KIF26B: variants seen among roughly 807,000 people sequenced by gnomAD.
KIF26B encodes kinesin-like protein KIF26B.
A neutral mutation model predicts 151.2 loss-of-function variants in KIF26B; 63 were observed. The ratio of observed to expected loss-of-function variants is 0.42; its 90% CI spans 0.34 to 0.51. The LOEUF (loss-of-function observed/expected upper bound fraction) is 0.51. Among genes scored for constraint, KIF26B ranks in the 20% least tolerant of loss-of-function variants. The pLI, the probability that KIF26B is intolerant of heterozygous loss-of-function variation, is 0.07. For synonymous variants in KIF26B, 1,357 were observed against 1,262.1 expected (o/e 1.08, Z -1.59); for missense variants, 2,813 against 2,913.6 (o/e 0.97, Z 0.79).
chr1:245,513,915 A>C (rs74667486), intron 4 of KIF26B, among the ~76,000 whole-genome samples: 12 of 152,290 alleles, frequency 7.9e-5, no homozygotes, highest in African/African-American at 2.2e-4. Flanking sequence ...CACTGCAGAG[A>C]ACTCTCAAGC....
At chr1:245,681,347 A>C (rs541571561) in intron 10 of KIF26B, among the ~76,000 whole-genome samples, 13 of 152,024 alleles carry the variant, frequency 8.6e-5, no homozygotes, top group African/African-American at 1.7e-4. Flanking sequence ...GTAGCTGGGA[A>C]TACAGGTGCC....
At chr1:245,281,706 C>A (rs1671056938) in intron 2 of KIF26B, among the ~76,000 whole-genome samples, 1 of 150,032 alleles carries the variant, frequency 6.7e-6, no homozygotes, top group Non-Finnish European at 1.5e-5. Flanking sequence ...ATGGTAATGC[C>A]TAGGTTTTCT....
chr1:245,471,255 C>T (rs1224472485), intron 4 of KIF26B, among the ~76,000 whole-genome samples: 4 of 152,070 alleles, frequency 2.6e-5, no homozygotes, highest in South Asian at 2.1e-4. Flanking sequence ...CTTGGCCTCC[C>T]GAGTAGCTGG....
At chr1:245,308,318 G>A (rs569434774) in intron 2 of KIF26B, among the ~76,000 whole-genome samples, 1 of 152,260 alleles carries the variant, frequency 6.6e-6, no homozygotes, top group South Asian at 2.1e-4. Context: ...GACAAATATG[G>A]TGAAATTTAA....
intron 4 of KIF26B, among the ~76,000 whole-genome samples, chr1:245,518,033 G>A (rs556365474): frequency 3.3e-5 from 5 of 152,050 alleles, no homozygotes; most frequent in East Asian, 1.9e-4. Context: ...CACAACAATC[G>A]GCTAATTTTT....
chr1:245,694,043 C>T (rs1179003018), intron 12 of KIF26B, among the ~76,000 whole-genome samples: 4 of 152,218 alleles, frequency 2.6e-5, no homozygotes, highest in Non-Finnish European at 5.9e-5. Flanking sequence ...GGCGCTGATG[C>T]TGTGAGATGA....
At chr1:245,176,187 C>G (rs775902769) in intron 2 of KIF26B, among the ~76,000 whole-genome samples, 9 of 151,986 alleles carry the variant, frequency 5.9e-5, no homozygotes, top group African/African-American at 1.9e-4. Context: ...TTAGTAGAGA[C>G]GGGGTTTCTC....
intron 2 of KIF26B, among the ~76,000 whole-genome samples, chr1:245,316,200 G>A (rs1437072731): frequency 6.6e-6 from 1 of 151,208 alleles, no homozygotes; most frequent in Non-Finnish European, 1.5e-5. Flanking sequence ...GCAGTGGTGT[G>A]AACCTCCGCC....
rs115771434 is a variant in KIF26B, at chr1:245,625,413, C to G, written c.2098+13437C>G. ...TATTGAGTGTTCTGACCCAGGAGCA[C>G]AGTATCTCTCTCTAGTTTAGGTTTT... On this transcript the variant is annotated intron_variant, in intron 9 of 14. Transcript: ENST00000407071. Among the ~76,000 whole-genome samples the G allele has an allele frequency of 3.7e-3, 569 of 152,248 alleles. 4 individuals are homozygous for G. Among genetic ancestry groups the G allele is most frequent in the African/African-American group, 0.013 (527 of 41,552 alleles).
chr1:245,169,328 G>GGTGTGTGT lies in KIF26B; in HGVS notation c.465+12673_465+12680dup, dbSNP rs58501579. ...TGCACTCGACTTTCTAACGGGCCAT[G>GGTGTGTGT]GTGTGTGTGTGTGTGTGTGTGTGTG... On this transcript the variant is annotated intron_variant, in intron 2 of 14. Transcript: ENST00000407071. Among the ~76,000 whole-genome samples the GGTGTGTGT allele has an allele frequency of 7.0e-3, 945 of 134,154 alleles. 19 individuals are homozygous for GGTGTGTGT. Among genetic ancestry groups the GGTGTGTGT allele is most frequent in the African/African-American group, 0.023 (811 of 35,026 alleles). The allele number at this position is 134,154 out of a possible 152,430, so 88.0% of individuals were successfully genotyped here. A position where few individuals can be genotyped will look rare whatever the true frequency, so the allele number is the denominator to read the frequency against.
chr1:245,193,937 C>T (rs1293356848), intron 2 of KIF26B, among the ~76,000 whole-genome samples: 2 of 152,216 alleles, frequency 1.3e-5, no homozygotes, highest in African/African-American at 4.8e-5. Flanking sequence ...GGACCTGGAC[C>T]ATGGGGCGCT....
chr1:245,586,123 A>G (rs894844122), intron 5 of KIF26B, among the ~76,000 whole-genome samples: 10 of 151,176 alleles, frequency 6.6e-5, no homozygotes, highest in Admixed American at 1.3e-4. Context: ...CAGCCTCCCA[A>G]GTAGCTGGCA....
chr1:245,405,285 GA>G (rs1335382761), intron 3 of KIF26B, among the ~76,000 whole-genome samples: 1 of 152,198 alleles, frequency 6.6e-6, no homozygotes, highest in Non-Finnish European at 1.5e-5. Flanking sequence ...GGAATAGGCA[GA>G]AGAACAATTT....
chr1:245,437,322 G>A (rs931533081), intron 4 of KIF26B, among the ~76,000 whole-genome samples: 4 of 152,182 alleles, frequency 2.6e-5, no homozygotes, highest in Admixed American at 6.5e-5. Flanking sequence ...ACCTGTTAAC[G>A]TGTTGAATGT....
chr1:245,460,928 T>C (rs1299775131), intron 4 of KIF26B, among the ~76,000 whole-genome samples: 1 of 152,208 alleles, frequency 6.6e-6, no homozygotes, highest in African/African-American at 2.4e-5. Context: ...CTGCCTGATA[T>C]GCAAATAGTG....
At chr1:245,369,079 A>C (rs1056906132) in intron 3 of KIF26B, among the ~76,000 whole-genome samples, 2 of 152,108 alleles carry the variant, frequency 1.3e-5, no homozygotes, top group Middle Eastern at 3.2e-3. Flanking sequence ...CGGAGGCTGC[A>C]GTGAGCCGAG....
At position 245,597,246 on chromosome 1, in the gene KIF26B, T is replaced by C. The variant is rs1363090200; in HGVS notation, c.1351-5331T>C. On this transcript the variant is annotated intron_variant, in intron 5 of 14. Transcript: ENST00000407071. This position sits in a 1 kb window ranked among gnomAD's most constrained non-coding sequence, Gnocchi z 4.6. ...CATGAATGGTCTTTACAATTTGGTA[T>C]CTTTGTGCAGTGGGCTGGTACCAGT... 6.6e-6 allele frequency among the ~76,000 whole-genome samples: 1 copy of C among 152,240 alleles called. No individual in the cohort carries two copies. Among genetic ancestry groups the C allele is most frequent in the Non-Finnish European group, 1.5e-5 (1 of 68,040 alleles).
Position 245,413,800 on chromosome 1 carries a change from C to G in KIF26B, c.1000-5779C>G, listed in dbSNP as rs995695945. On this transcript the variant is annotated intron_variant, in intron 3 of 14. Transcript: ENST00000407071. The stretch of plus-strand genomic sequence containing the variant: ...GGCAGCCTCGAGTTAGGAAGTGGTC[C>G]TGAAGGGGAGAGTGGAGGGAGGGAG... Among the ~76,000 whole-genome samples the G allele has an allele frequency of 9.2e-5, 14 of 152,236 alleles. No individual in the cohort carries two copies. The South Asian group carries it at 2.3e-3, about 25-fold the overall frequency.
chr1:245,155,404 C>A lies in KIF26B; in HGVS notation c.-21C>A. The stretch of plus-strand genomic sequence containing the variant: ...GTAGCGTCGGTGGAACCTTTAGATA[C>A]TCTCCTCTGGAAAAGCCACCATGAA... On this transcript the variant is annotated 5_prime_UTR_variant, in exon 1 of 15. Transcript: ENST00000407071. 1.2e-6 allele frequency: 2 copies of A among 1,600,244 alleles called. No homozygotes were observed. The highest frequency in any genetic ancestry group is 1.7e-5 in the Admixed American group (1 of 58,730).
Sources: gnomAD v4.1 joint callset for allele counts (sites outside exome capture counted in the v4.1 genomes callset) on GRCh38, gnomAD v4.1.1 for gene constraint, Gnocchi (gnomAD v3.1) non-coding constraint, MANE v1.5 for transcripts, NCBI Gene and HGNC (gene_info 2026-07-23, HGNC 2026-07-21) for gene names.